The following SPECC1 variants were observed in gnomAD, a reference collection of about 807,000 sequenced individuals.
SPECC1 encodes the protein cytospin-B.
SPECC1 carries 62 observed loss-of-function variants against 104.1 expected under a neutral mutation model. The ratio of observed to expected loss-of-function variants is 0.60; its 90% CI spans 0.49 to 0.74. The LOEUF (loss-of-function observed/expected upper bound fraction) is 0.74, where lower values mean the gene tolerates loss of function less well. Among genes scored for constraint, SPECC1 ranks in the 30% least tolerant of loss-of-function variants. The probability of loss-of-function intolerance (pLI) is 0.00; values close to 1 mark genes in which losing one functional copy is unlikely to be tolerated. For synonymous variants in SPECC1, 513 were observed against 501.6 expected, an observed-to-expected ratio of 1.02 and a Z score of -0.30; for missense variants, 1,306 against 1,310.5, an observed-to-expected ratio of 1.00 and a Z score of 0.05.
At chr17:20,171,399 A>T (rs2034077879) in intron 3 of SPECC1, among the ~76,000 whole-genome samples, 1 of 152,258 alleles carries the variant, frequency 6.6e-6, no homozygotes, top group East Asian at 1.9e-4. Context: ...CAGATCAATG[A>T]TGAAATTTTA....
chr17:20,198,885 G>C (rs565853528), intron 3 of SPECC1, among the ~76,000 whole-genome samples: 2 of 152,182 alleles, frequency 1.3e-5, no homozygotes, highest in South Asian at 4.1e-4. Flanking sequence ...AACTTCCTTA[G>C]AAAGGGTATT....
intron 13 of SPECC1, among the ~76,000 whole-genome samples, chr17:20,297,375 T>A (rs951940612): frequency 2.6e-5 from 4 of 152,192 alleles, no homozygotes; most frequent in Non-Finnish European, 4.4e-5. Context: ...TTCAAATAAG[T>A]CTTGGACACT....
At chr17:20,022,802 C>A (rs1002711045) in intron 1 of SPECC1, among the ~76,000 whole-genome samples, 1 of 152,182 alleles carries the variant, frequency 6.6e-6, no homozygotes, top group African/African-American at 2.4e-5. Flanking sequence ...TAAGGATAAA[C>A]AAGCATGGTG....
chr17:20,136,635 A>T (rs1189067311), intron 3 of SPECC1, among the ~76,000 whole-genome samples: 1 of 152,118 alleles, frequency 6.6e-6, no homozygotes, highest in Non-Finnish European at 1.5e-5. Flanking sequence ...TTCTAGAACT[A>T]TTCAGTGTGT....
intron 14 of SPECC1, among the ~76,000 whole-genome samples, chr17:20,312,371 G>A (rs967256887): frequency 6.6e-6 from 1 of 151,960 alleles, no homozygotes; most frequent in African/African-American, 2.4e-5. Context: ...TGTTAACAAT[G>A]TACTAAATAT....
chr17:20,111,494 C>A (rs2048489079), intron 3 of SPECC1, among the ~76,000 whole-genome samples: 1 of 152,134 alleles, frequency 6.6e-6, no homozygotes, highest in Non-Finnish European at 1.5e-5. Context: ...ATTAAACATA[C>A]ACACACACTT....
At chr17:20,151,738 TC>T (rs1314456466) in intron 3 of SPECC1, among the ~76,000 whole-genome samples, 1 of 152,184 alleles carries the variant, frequency 6.6e-6, no homozygotes, top group Non-Finnish European at 1.5e-5. Context: ...ACCTGACTGA[TC>T]CCTGAACTGC....
In SPECC1 at chr17:20,016,566, G is replaced by A. The variant is rs576426810; in HGVS notation, c.-22+7142G>A. ...GGCGGGCCCCGCACTGGGAGCGGCC[G>A]GCCAGCCGGCCCCAACGGCCCCAGG... On this transcript the variant is annotated intron_variant, in intron 1 of 14. Transcript: ENST00000395527. 5.9e-5 allele frequency among the ~76,000 whole-genome samples: 9 copies of A among 152,320 alleles called. No homozygotes were observed. The South Asian group carries it at 1.9e-3, about 32-fold the overall frequency.
chr17:20,071,757 G>T (rs11869931), intron 1 of SPECC1, among the ~76,000 whole-genome samples: 43,954 of 151,936 alleles, frequency 0.29, 6,861 homozygotes, highest in Middle Eastern at 0.43. Flanking sequence ...TTATACAGTT[G>T]AATACATACT....
chr17:20,292,070 TC>T, intron 12 of SPECC1, among the ~76,000 whole-genome samples: 1 of 151,882 alleles, frequency 6.6e-6, no homozygotes, highest in Admixed American at 6.6e-5. Context: ...CTTGCTTTCT[TC>T]CAGGTCAGCA....
At chr17:20,210,369 G>T (rs547177392) in intron 4 of SPECC1, among the ~76,000 whole-genome samples, 1 of 152,322 alleles carries the variant, frequency 6.6e-6, no homozygotes, top group South Asian at 2.1e-4. Context: ...GCAGGCCCAG[G>T]CTGTGGCTGG....
rs183748515 is a variant in SPECC1, at chr17:20,107,911, T to C, written c.148-2516T>C. Among the ~76,000 whole-genome samples the C allele has an allele frequency of 3.4e-3, 511 of 152,270 alleles. 3 individuals are homozygous for C. Among genetic ancestry groups the C allele is most frequent in the African/African-American group, 0.012 (484 of 41,550 alleles). On this transcript the variant is annotated intron_variant, in intron 2 of 14. Coordinates refer to ENST00000395527, the MANE Select transcript of SPECC1 (RefSeq NM_001243439.2). ...CTATAGTCCTAGCTACTTGGGAGGC[T>C]GAGGCAGGAAAGCCCAGGAATTCAA... is the stretch of plus-strand genomic sequence containing the variant.
Position 20,317,564 on chromosome 17 carries a change from T to C in SPECC1, c.*3499T>C, listed in dbSNP as rs2042056367. On this transcript the variant is annotated 3_prime_UTR_variant, in exon 15 of 15. Transcript: ENST00000395527. Reference sequence around the variant, plus strand: ...GTAAGCCACCGCGCCTGGCCCAAAATTTTGTTTTTTAATTAGCTGGGTACA... The same window carrying C: ...GTAAGCCACCGCGCCTGGCCCAAAACTTTGTTTTTTAATTAGCTGGGTACA... The C allele has an allele frequency of 5.3e-6, 1 of 189,542 alleles. No homozygotes were observed. Among genetic ancestry groups the C allele is most frequent in the East Asian group, 8.4e-5 (1 of 11,874 alleles). The allele number at this position is 189,542 out of a possible 1,614,324, so 11.7% of individuals were successfully genotyped here.
At chr17:20,233,848 G>T (rs749022799) in intron 7 of SPECC1, among the ~76,000 whole-genome samples, 2 of 152,180 alleles carry the variant, frequency 1.3e-5, no homozygotes, top group Non-Finnish European at 2.9e-5. Context: ...CTTCCCTATT[G>T]TCTGTCATTG....
At chr17:20,142,137 C>T (rs1597804478) in intron 3 of SPECC1, among the ~76,000 whole-genome samples, 1 of 152,302 alleles carries the variant, frequency 6.6e-6, no homozygotes, top group East Asian at 1.9e-4. Context: ...CTGTTACATT[C>T]AGCATAGTGC....
At chr17:20,192,967 G>A (rs975108776) in intron 3 of SPECC1, among the ~76,000 whole-genome samples, 1 of 152,168 alleles carries the variant, frequency 6.6e-6, no homozygotes, top group South Asian at 2.1e-4. Context: ...CAAAGTGAAA[G>A]CAAGTTTAGT....
intron 3 of SPECC1, among the ~76,000 whole-genome samples, chr17:20,194,163 C>T (rs935707697): frequency 2.0e-5 from 3 of 152,180 alleles, no homozygotes; most frequent in Non-Finnish European, 4.4e-5. Flanking sequence ...TAATGGAACT[C>T]TGTTTTGTAA....
intron 12 of SPECC1, among the ~76,000 whole-genome samples, chr17:20,287,756 T>TG (rs546546267): frequency 8.8e-4 from 134 of 152,054 alleles, no homozygotes; most frequent in African/African-American, 2.0e-3. Context: ...AGCTTTTTTT[T>TG]TTTGTTTTAT....
At chr17:20,015,760 A>T (rs1342358844) in intron 1 of SPECC1, among the ~76,000 whole-genome samples, 1 of 149,218 alleles carries the variant, frequency 6.7e-6, no homozygotes. Flanking sequence ...AATTTTTTGT[A>T]TTTTTAGTAG....
Sources: gnomAD v4.1 joint callset for allele counts (sites outside exome capture counted in the v4.1 genomes callset) on GRCh38, gnomAD v4.1.1 for gene constraint, MANE v1.5 for transcripts, NCBI Gene and HGNC (gene_info 2026-07-23, HGNC 2026-07-21) for gene names.